Variants in RMDN1 observed in about 807,000 individuals in gnomAD.
RMDN1 encodes regulator of microtubule dynamics protein 1.
In RMDN1, 48 loss-of-function variants were observed where a neutral mutation model predicts 48.9. The ratio of observed to expected loss-of-function variants is 0.98; its 90% confidence interval spans 0.78 to 1.25. RMDN1 has a LOEUF of 1.25. RMDN1 is among the 50% of genes most tolerant of loss of function. The pLI is 0.00. For synonymous variants in RMDN1, 148 were observed against 132.6 expected (o/e 1.12, Z -0.80); for missense variants, 418 against 373.4 (o/e 1.12, Z -0.98).
chr8:86,492,104 G>C (rs996523870), intron 2 of RMDN1, among the ~76,000 whole-genome samples: 4 of 151,974 alleles, frequency 2.6e-5, no homozygotes, highest in Admixed American at 2.6e-4. Context: ...CAGTTCTGTA[G>C]GTTCATCAAT....
At chr8:86,480,226 TACAAAATATCAC>T in intron 6 of RMDN1, 39 bp downstream of exon 6, 1 of 907,526 alleles carries the variant, frequency 1.1e-6, no homozygotes, top group Non-Finnish European at 1.7e-6. Context: ...TTATACATAC[TACAAAATATCAC>T]ACTAAATACT....
upstream of RMDN1, among the ~76,000 whole-genome samples, chr8:86,509,622 C>A (rs1365453059): frequency 6.6e-6 from 1 of 152,028 alleles, no homozygotes; most frequent in African/African-American, 2.4e-5. Context: ...ATTGATCTTC[C>A]GAACTACCTT....
intron 2 of RMDN1, chr8:86,505,023 A>G: frequency 8.1e-6 from 12 of 1,482,526 alleles, no homozygotes; most frequent in Non-Finnish European, 1.1e-5. Context: ...CATCATGGAG[A>G]TGAACAGCAT....
chr8:86,512,711 G>T (rs1402618836), upstream of RMDN1, among the ~76,000 whole-genome samples: 1 of 134,808 alleles, frequency 7.4e-6, no homozygotes, highest in African/African-American at 2.6e-5. Flanking sequence ...CACAAGTCTA[G>T]AGCAATGCAC....
intron 2 of RMDN1, chr8:86,495,034 A>T (rs1025706663): frequency 6.0e-6 from 2 of 333,910 alleles, no homozygotes; most frequent in African/African-American, 4.3e-5. Context: ...CTTTTGAAAA[A>T]CTAGAGGAGC....
chr8:86,497,565 G>A (rs1187643238), intron 2 of RMDN1, among the ~76,000 whole-genome samples: 1 of 151,952 alleles, frequency 6.6e-6, no homozygotes, highest in Non-Finnish European at 1.5e-5. Context: ...GCCAGGCATG[G>A]TGGCACACAC....
At chr8:86,488,757 ATG>A (rs1321268857) in intron 2 of RMDN1, 118 bp from the exon 3 acceptor site, 16 of 534,850 alleles carry the variant, frequency 3.0e-5, no homozygotes, top group African/African-American at 2.9e-4. Flanking sequence ...AGATACAGAA[ATG>A]ACCTACAATG....
At position 86,486,592 on chromosome 8, in the gene RMDN1, A is replaced by G; in HGVS notation, c.387T>C (p.Ala129=). The change falls in exon 4 of 10, where the codon GCT becomes GCC. Residue 129 remains alanine (A), a synonymous_variant. Coordinates refer to ENST00000406452, the MANE Select transcript of RMDN1 (RefSeq NM_016033.3). ...WRLARASRDV[A]QLSRTSEEEK... is the part of the protein sequence containing the mutation. ...CCTCTTCTGAGGTTCTGCTAAGCTGAGCTACATCACGTGATGCCCGTGCCA... is the reference window on the plus strand; with the variant it reads ...CCTCTTCTGAGGTTCTGCTAAGCTGGGCTACATCACGTGATGCCCGTGCCA... The G allele has an allele frequency of 6.2e-7, 1 of 1,611,994 alleles. No individual in the cohort carries two copies. Among genetic ancestry groups the G allele is most frequent in the Non-Finnish European group, 8.5e-7 (1 of 1,178,646 alleles).
chr8:86,479,050 C>T, intron 6 of RMDN1, 40 bp from the exon 7 acceptor site: 3 of 1,412,462 alleles, frequency 2.1e-6, no homozygotes, highest in Non-Finnish European at 3.0e-6. Flanking sequence ...TCAAATTGTA[C>T]CTTCTTTTCT....
chr8:86,507,407 T>G (rs1430379197), intron 1 of RMDN1, among the ~76,000 whole-genome samples: 3 of 152,232 alleles, frequency 2.0e-5, no homozygotes, highest in Non-Finnish European at 4.4e-5. Context: ...GCAAATTGTA[T>G]GAAGTAAAAT....
intron 2 of RMDN1, among the ~76,000 whole-genome samples, chr8:86,502,442 G>A (rs528755586): frequency 1.3e-4 from 20 of 149,696 alleles, no homozygotes; most frequent in Middle Eastern, 3.4e-3. Context: ...CTTTGTTTAA[G>A]ACCACTTTGC....
chr8:86,500,136 G>A (rs1461321421), intron 2 of RMDN1, among the ~76,000 whole-genome samples: 1 of 152,020 alleles, frequency 6.6e-6, no homozygotes, highest in Non-Finnish European at 1.5e-5. Context: ...AGATTTCATG[G>A]CAAAGTCTCC....
rs1427306816 is a variant in RMDN1, at chr8:86,473,456, T to C, written c.*852A>G. The C allele has an allele frequency of 6.1e-6, 6 of 985,220 alleles. No individual in the cohort carries two copies. In the South Asian group the frequency reaches 1.9e-4, roughly 31 times the overall value. The allele number at this position is 985,220 out of a possible 1,614,324, so 61.0% of individuals were successfully genotyped here. ...ATCTGATGACAAATTCAGTTTACCA[T>C]GAGACTACACCACATTTAAAGTAAA... is the stretch of plus-strand genomic sequence containing the variant. On this transcript the variant is annotated 3_prime_UTR_variant, in exon 10 of 10. Coordinates refer to ENST00000406452, the MANE Select transcript of RMDN1 (RefSeq NM_016033.3).
At chr8:86,485,267 A>T (rs757598626) in intron 4 of RMDN1, among the ~76,000 whole-genome samples, 5 of 152,136 alleles carry the variant, frequency 3.3e-5, no homozygotes, top group Non-Finnish European at 7.3e-5. Flanking sequence ...TCTACTAAAA[A>T]TACAAAAATT....
At chr8:86,472,194 A>AC (rs1271243368), downstream of RMDN1, among the ~76,000 whole-genome samples, 1 of 152,232 alleles carries the variant, frequency 6.6e-6, no homozygotes, top group South Asian at 2.1e-4. Flanking sequence ...ATACACACAC[A>AC]AACACACATG....
chr8:86,484,050 C>T (rs1476489043), intron 5 of RMDN1, among the ~76,000 whole-genome samples: 2 of 152,168 alleles, frequency 1.3e-5, no homozygotes, highest in Non-Finnish European at 2.9e-5. Context: ...CACTGGACCA[C>T]GCTTTCCATA....
chr8:86,482,723 C>T (rs1814745954), intron 5 of RMDN1: 2 of 1,007,758 alleles, frequency 2.0e-6, no homozygotes, highest in African/African-American at 3.2e-5. Flanking sequence ...TCGGTTCCAT[C>T]ACAATGTGTC....
intron 2 of RMDN1, among the ~76,000 whole-genome samples, chr8:86,489,699 G>A (rs757009466): frequency 2.0e-5 from 3 of 151,924 alleles, no homozygotes; most frequent in South Asian, 2.1e-4. Context: ...GCGTGATGGC[G>A]TGCGCCTGTA....
At chr8:86,475,687 C>T (rs2130485808) in intron 8 of RMDN1, among the ~76,000 whole-genome samples, 1 of 152,282 alleles carries the variant, frequency 6.6e-6, no homozygotes, top group South Asian at 2.1e-4. Flanking sequence ...CCCTAACAAT[C>T]TGAGATCCTC....
Sources: allele counts gnomAD v4.1 joint callset (sites outside exome capture counted in the v4.1 genomes callset), GRCh38; gene constraint gnomAD v4.1.1; transcripts MANE v1.5; gene names NCBI Gene and HGNC (gene_info 2026-07-23, HGNC 2026-07-21).